PLCG2: variants seen among roughly 807,000 people sequenced by gnomAD.
PLCG2 encodes phospholipase C gamma 2.
A neutral mutation model predicts 175.6 loss-of-function variants in PLCG2; 69 were observed. The ratio of observed to expected loss-of-function variants is 0.39; its 90% confidence interval spans 0.32 to 0.48. PLCG2 has a LOEUF of 0.48. PLCG2 is among the 20% of genes least tolerant of loss of function. PLCG2 has a pLI of 0.91. For missense variants in PLCG2, 1,798 were observed against 1,650.9 expected, an observed-to-expected ratio of 1.09 and a Z score of -1.54; for synonymous variants, 827 against 624.0, an observed-to-expected ratio of 1.33 and a Z score of -4.85.
intron 2 of PLCG2, among the ~76,000 whole-genome samples, chr16:81,762,858 G>C (rs1160674139): frequency 1.3e-5 from 2 of 152,176 alleles, no homozygotes; most frequent in Non-Finnish European, 2.9e-5. Context: ...AGGAGTTTAA[G>C]ATCAGCCTCA....
chr16:81,900,590 G>T, intron 13 of PLCG2, 22 bp from the exon 14 acceptor site: 1 of 1,577,050 alleles, frequency 6.3e-7, no homozygotes, highest in African/African-American at 1.3e-5. Flanking sequence ...CTGCCGAGCT[G>T]CCCACCCTCT....
chr16:81,892,121 A>G (rs576044975), intron 11 of PLCG2, among the ~76,000 whole-genome samples: 40 of 152,302 alleles, frequency 2.6e-4, no homozygotes, highest in African/African-American at 8.2e-4. Context: ...CAGACAGAGG[A>G]GCAGCATGTG....
intron 2 of PLCG2, among the ~76,000 whole-genome samples, chr16:81,803,510 T>C (rs77119175): frequency 0.068 from 9,241 of 136,194 alleles, 302 homozygotes; most frequent in South Asian, 0.14. Context: ...GTTTTCATTT[T>C]CTTTGTTCTT....
At chr16:81,910,809 A>T (rs1010135834) in intron 18 of PLCG2, 89 bp downstream of exon 18, 55 of 1,278,140 alleles carry the variant, frequency 4.3e-5, no homozygotes, top group Admixed American at 2.4e-4. Flanking sequence ...CAGCCGGGCC[A>T]GTCCCCCAGG....
chr16:81,749,627 G>A (rs1271902775), intron 1 of PLCG2, among the ~76,000 whole-genome samples: 1 of 152,218 alleles, frequency 6.6e-6, no homozygotes, highest in African/African-American at 2.4e-5. Flanking sequence ...CTGCTGGAAT[G>A]ACAGGCGTGA....
intron 2 of PLCG2, among the ~76,000 whole-genome samples, chr16:81,834,424 G>C (rs1033196196): frequency 4.6e-5 from 7 of 152,286 alleles, no homozygotes; most frequent in African/African-American, 1.7e-4. Flanking sequence ...CCTGCAGCTA[G>C]ACTGGCAGGA....
intron 5 of PLCG2, among the ~76,000 whole-genome samples, chr16:81,859,690 A>G (rs1444251504): frequency 6.6e-6 from 1 of 152,054 alleles, no homozygotes; most frequent in Non-Finnish European, 1.5e-5. Context: ...ACCCGCCACC[A>G]TGCCCGGCTA....
At chr16:81,784,458 C>G (rs1348756644) in intron 1 of PLCG2, among the ~76,000 whole-genome samples, 4 of 152,152 alleles carry the variant, frequency 2.6e-5, no homozygotes, top group African/African-American at 4.8e-5. Context: ...AGGCTGAGCC[C>G]GGCTGGAAGC....
chr16:81,811,469 GTTTTCTT>G (rs1182244356), intron 2 of PLCG2, among the ~76,000 whole-genome samples: 1 of 151,996 alleles, frequency 6.6e-6, no homozygotes, highest in South Asian at 2.1e-4. Context: ...TGATGTTTCC[GTTTTCTT>G]TTTTCTTTTT....
chr16:81,895,884 G>A lies in PLCG2; in HGVS notation c.1150G>A (p.Asp384Asn), dbSNP rs1908862204. Residue 384 changes from aspartate to asparagine, a missense_variant, in exon 13 of 33, where the codon GAC (aspartate) becomes AAC (asparagine). Coordinates refer to ENST00000564138, the MANE Select transcript of PLCG2 (RefSeq NM_002661.5). ...WTRTTKIKFD[D>N]VVQAIKDHAF... is the part of the protein sequence containing the mutation. ...GCGGACTACCAAGATCAAGTTTGAC[G>A]ACGTCGTGCAGGCCATCAAAGACCA... The A allele has an allele frequency of 1.2e-6, 2 of 1,614,188 alleles. No individual in the cohort carries two copies. Among genetic ancestry groups the A allele is most frequent in the Non-Finnish European group, 1.7e-6 (2 of 1,180,024 alleles).
intron 26 of PLCG2, among the ~76,000 whole-genome samples, chr16:81,934,995 C>T (rs1304190785): frequency 6.6e-6 from 1 of 151,198 alleles, no homozygotes; most frequent in Non-Finnish European, 1.5e-5. Context: ...ATGGGAGCTA[C>T]AATTCAAGGT....
intron 2 of PLCG2, among the ~76,000 whole-genome samples, chr16:81,796,668 A>T (rs1243795574): frequency 5.3e-5 from 8 of 152,244 alleles, no homozygotes; most frequent in African/African-American, 1.9e-4. Flanking sequence ...CTAATCCAAT[A>T]TGACTGGTTT....
intron 2 of PLCG2, among the ~76,000 whole-genome samples, chr16:81,807,099 T>G (rs1597329675): frequency 6.6e-6 from 1 of 152,218 alleles, no homozygotes; most frequent in East Asian, 1.9e-4. Flanking sequence ...TCAAGTCTGT[T>G]CAATGCATTT....
At position 81,958,032 on chromosome 16, in the gene PLCG2, G is replaced by T. The variant is rs377755967; in HGVS notation, c.*34G>T. 6.8e-7 allele frequency: 1 copy of T among 1,467,598 alleles called. No individual in the cohort carries two copies. The highest frequency in any genetic ancestry group is 1.1e-5 in the South Asian group (1 of 88,090). 90.9% of individuals were successfully genotyped at this position (1,467,598 alleles called of 1,614,324 possible). ...GTATGTGTGTAAGGGTATTGTGTGTGTGCGCATGTGTGTTTGCATGTAGGA... is the reference window on the plus strand; with the variant it reads ...GTATGTGTGTAAGGGTATTGTGTGTTTGCGCATGTGTGTTTGCATGTAGGA... On this transcript the variant is annotated 3_prime_UTR_variant, in exon 33 of 33. Coordinates refer to ENST00000564138, the MANE Select transcript of PLCG2 (RefSeq NM_002661.5).
intron 30 of PLCG2, among the ~76,000 whole-genome samples, chr16:81,941,483 C>G (rs1030652599): frequency 6.6e-6 from 1 of 152,076 alleles, no homozygotes; most frequent in African/African-American, 2.4e-5. Context: ...TCAAGGCTGC[C>G]TATCTTACCA....
chr16:81,890,706 C>T (rs371168533), intron 10 of PLCG2, among the ~76,000 whole-genome samples: 4 of 152,156 alleles, frequency 2.6e-5, no homozygotes, highest in South Asian at 2.1e-4. Flanking sequence ...GTCGTTCTCA[C>T]GCAGCAGAAA....
At position 81,912,362 on chromosome 16, in the gene PLCG2, G is replaced by A. The variant is rs372801969; in HGVS notation, c.1935-235G>A. ...ATTTCAGGTGTGAACCACTGTGCTC[G>A]GCCCAATGTATTATTTTGGGCTTGA... is the stretch of plus-strand genomic sequence containing the variant. On this transcript the variant is annotated intron_variant, in intron 18 of 32. Transcript: ENST00000564138. 5.9e-5 allele frequency among the ~76,000 whole-genome samples: 9 copies of A among 152,298 alleles called. No individual in the cohort carries two copies. In the East Asian group the frequency reaches 7.7e-4, roughly 13 times the overall value.
At chr16:81,850,343 C>G (rs923045255) in intron 2 of PLCG2, among the ~76,000 whole-genome samples, 2 of 152,058 alleles carry the variant, frequency 1.3e-5, no homozygotes, top group African/African-American at 4.8e-5. Context: ...AAGCTTCCCC[C>G]AGATAAATGA....
At chr16:81,836,189 G>C (rs34253259) in intron 2 of PLCG2, among the ~76,000 whole-genome samples, 2 of 152,132 alleles carry the variant, frequency 1.3e-5, no homozygotes, top group African/African-American at 4.8e-5. Context: ...CTATCCAAAT[G>C]ACACAGCTGA....
Sources: gnomAD v4.1 joint callset for allele counts (sites outside exome capture counted in the v4.1 genomes callset) on GRCh38, gnomAD v4.1.1 for gene constraint, MANE v1.5 for transcripts, NCBI Gene and HGNC (gene_info 2026-07-23, HGNC 2026-07-21) for gene names.